Variants in CHN2 observed in about 807,000 individuals in gnomAD.
The protein encoded by CHN2 is chimerin 2, also known as beta-chimaerin.
Under a neutral mutation model 56.3 loss-of-function variants are expected in CHN2, and 35 were observed. The ratio of observed to expected loss-of-function variants is 0.62; its 90% CI spans 0.47 to 0.82. The LOEUF is 0.82. Among genes scored for constraint, CHN2 ranks in the 40% least tolerant of loss-of-function variants. CHN2 has a pLI of 0.00. For missense variants in CHN2, 491 were observed against 580.5 expected, an observed-to-expected ratio of 0.85 and a Z score of 1.58; for synonymous variants, 210 against 212.8, an observed-to-expected ratio of 0.99 and a Z score of 0.12.
intron 9 of CHN2, among the ~76,000 whole-genome samples, chr7:29,502,371 C>T (rs1054309835): frequency 6.6e-6 from 1 of 152,128 alleles, no homozygotes; most frequent in African/African-American, 2.4e-5. Flanking sequence ...ATCTGCATTT[C>T]ACTTAACAGG....
intron 1 of CHN2, among the ~76,000 whole-genome samples, chr7:29,254,054 G>A (rs1012319933): frequency 3.3e-5 from 5 of 152,136 alleles, no homozygotes; most frequent in African/African-American, 7.2e-5. Context: ...ACAGGCCTGC[G>A]CCACTGCGCC....
intron 1 of CHN2, among the ~76,000 whole-genome samples, chr7:29,331,628 G>T (rs1475597115): frequency 6.6e-6 from 1 of 152,196 alleles, no homozygotes; most frequent in Non-Finnish European, 1.5e-5. Context: ...GGGAGAAGCA[G>T]ACACTACCCC....
chr7:29,160,235 G>A (rs1370367521), intron 2 of CHN2, among the ~76,000 whole-genome samples: 3 of 152,202 alleles, frequency 2.0e-5, no homozygotes, highest in African/African-American at 7.2e-5. Context: ...AGTGTGTGAA[G>A]TTGGTGCCAG....
Position 29,514,154 on chromosome 7 carries a change from T to TATTA in CHN2, c.*1420_*1423dup, listed in dbSNP as rs1048221395. On this transcript the variant is annotated 3_prime_UTR_variant, in exon 13 of 13. Transcript: ENST00000222792. ...CAGGGAGGTTTGACCTCTTCCCTGC[T>TATTA]ATTATCCCTCCTCCCAACTGTACAG... The TATTA allele has an allele frequency of 1.3e-5, 2 of 152,660 alleles. No individual in the cohort carries two copies. The highest frequency in any genetic ancestry group is 1.9e-4 in the East Asian group (1 of 5,192). The allele number at this position is 152,660 out of a possible 1,614,324, so 9.5% of individuals were successfully genotyped here. A position where few individuals can be genotyped will look rare whatever the true frequency, so the allele number is the denominator to read the frequency against.
intron 1 of CHN2, among the ~76,000 whole-genome samples, chr7:29,265,153 C>T (rs570365192): frequency 4.6e-5 from 7 of 152,272 alleles, no homozygotes; most frequent in African/African-American, 1.4e-4. Context: ...TGGCTATTTC[C>T]CAGCACAGTC....
intron 1 of CHN2, among the ~76,000 whole-genome samples, chr7:29,308,940 G>C (rs1426512229): frequency 6.6e-6 from 1 of 152,138 alleles, no homozygotes; most frequent in Non-Finnish European, 1.5e-5. Flanking sequence ...GAACATGTCT[G>C]TTTTGCTCAC....
At chr7:29,509,218 C>G (rs547359896) in intron 11 of CHN2, 83 bp from the exon 12 acceptor site, 6 of 1,010,756 alleles carry the variant, frequency 5.9e-6, no homozygotes, top group Admixed American at 5.7e-5. Context: ...CCACTTCTGG[C>G]TAAAACAAAA....
chr7:29,318,251 C>T (rs1393547690), intron 1 of CHN2, among the ~76,000 whole-genome samples: 2 of 152,190 alleles, frequency 1.3e-5, no homozygotes, highest in African/African-American at 4.8e-5. Context: ...AACTCCTGGC[C>T]TCCACTTGTT....
chr7:29,316,531 AG>A (rs1752329162), intron 1 of CHN2, among the ~76,000 whole-genome samples: 1 of 152,188 alleles, frequency 6.6e-6, no homozygotes. Flanking sequence ...AGTATCATGC[AG>A]GTTCCTTAGA....
intron 2 of CHN2, among the ~76,000 whole-genome samples, chr7:29,176,496 T>A (rs535958015): frequency 1.2e-4 from 19 of 152,306 alleles, no homozygotes; most frequent in African/African-American, 4.6e-4. Flanking sequence ...GGAAATTAAC[T>A]GTCAGCTTGA....
rs553895347 is a variant in CHN2 at position 29,251,549 on chromosome 7, A to G, written c.49+56559A>G. On this transcript the variant is annotated intron_variant, in intron 1 of 12. Coordinates refer to ENST00000222792, the MANE Select transcript of CHN2 (RefSeq NM_004067.4). ...GTGTTGTTATAGGGATGAGATATAT[A>G]TCAAGCACCGAACATGGTGAGTACT... 3.3e-4 allele frequency among the ~76,000 whole-genome samples: 50 copies of G among 152,366 alleles called. No individual in the cohort carries two copies. The South Asian group carries it at 0.01, about 32-fold the overall frequency.
chr7:29,321,931 A>C (rs1795394758), intron 1 of CHN2, among the ~76,000 whole-genome samples: 1 of 152,118 alleles, frequency 6.6e-6, no homozygotes, highest in African/African-American at 2.4e-5. Context: ...TGCAGATCTT[A>C]TGGATTAGTC....
intron 2 of CHN2, among the ~76,000 whole-genome samples, chr7:29,153,334 A>T (rs1160768691): frequency 6.6e-6 from 1 of 152,146 alleles, no homozygotes; most frequent in Non-Finnish European, 1.5e-5. Context: ...ATGTGTTTCA[A>T]CTACACAAGT....
intron 1 of CHN2, among the ~76,000 whole-genome samples, chr7:29,211,947 C>T (rs1784991497): frequency 6.6e-6 from 1 of 152,076 alleles, no homozygotes; most frequent in East Asian, 1.9e-4. Context: ...CTATAACGAA[C>T]CTCTTACCAT....
At chr7:29,298,054 G>C (rs535344321) in intron 1 of CHN2, among the ~76,000 whole-genome samples, 1 of 152,256 alleles carries the variant, frequency 6.6e-6, no homozygotes, top group Non-Finnish European at 1.5e-5. Flanking sequence ...TGGTGACTTC[G>C]GCAGGCACCA....
At chr7:29,204,071 G>C (rs1424983509) in intron 1 of CHN2, among the ~76,000 whole-genome samples, 61 of 21,686 alleles carry the variant, frequency 2.8e-3, no homozygotes, top group South Asian at 0.013. Flanking sequence ...CTCTCTCTGT[G>C]TGTGTGTGTG....
chr7:29,293,237 T>C lies in CHN2; in HGVS notation c.50-61388T>C, dbSNP rs573780145. On this transcript the variant is annotated intron_variant, in intron 1 of 12. Transcript: ENST00000222792. ...CATTAAATCCTTTTCCCTCCCACCT[T>C]GTCCCCTTGGCCCTGCTGACAATGG... Among the ~76,000 whole-genome samples the C allele has an allele frequency of 5.3e-5, 8 of 152,240 alleles. No homozygotes were observed. The East Asian group carries it at 1.5e-3, about 29-fold the overall frequency.
At chr7:29,424,298 G>C (rs530363238) in intron 6 of CHN2, among the ~76,000 whole-genome samples, 13 of 152,102 alleles carry the variant, frequency 8.5e-5, no homozygotes, top group African/African-American at 2.6e-4. Flanking sequence ...TCAAGATGCC[G>C]GGGACATAGT....
At chr7:29,405,085 C>T (rs986670857) in intron 6 of CHN2, among the ~76,000 whole-genome samples, 6 of 150,934 alleles carry the variant, frequency 4.0e-5, no homozygotes, top group South Asian at 2.1e-4. Context: ...GAAAATAATG[C>T]GCTGTGTATT....
Sources: gnomAD v4.1 joint callset for allele counts (sites outside exome capture counted in the v4.1 genomes callset) on GRCh38, gnomAD v4.1.1 for gene constraint, MANE v1.5 for transcripts, NCBI Gene and HGNC (gene_info 2026-07-23, HGNC 2026-07-21) for gene names.